PDE6H: variants seen among roughly 807,000 people sequenced by gnomAD.
The protein encoded by PDE6H is retinal cone rhodopsin-sensitive cGMP 3',5'-cyclic phosphodiesterase subunit gamma.
A neutral mutation model predicts 9.2 loss-of-function variants in PDE6H; 11 were observed. The ratio of observed to expected loss-of-function variants is 1.19; its 90% CI spans 0.75 to 1.97. The LOEUF (loss-of-function observed/expected upper bound fraction) is 1.97. Among genes scored for constraint, PDE6H ranks in the 30% most tolerant of loss-of-function variants. The pLI is 0.00. For synonymous variants in PDE6H, 36 were observed against 33.6 expected (o/e 1.07, Z -0.25); for missense variants, 98 against 101.5 (o/e 0.97, Z 0.15).
rs762282649 is a variant in PDE6H, at chr12:14,978,066, CCCACGCAAAGGCCCT to C, written c.57_71del (p.Arg20_Pro24del). 5.6e-6 allele frequency: 9 copies of C among 1,613,468 alleles called. No individual in the cohort carries two copies. Among genetic ancestry groups the C allele is most frequent in the Non-Finnish European group, 7.6e-6 (9 of 1,179,852 alleles). On this transcript the variant is annotated inframe_deletion, in exon 2 of 4. Coordinates refer to ENST00000266395, the MANE Select transcript of PDE6H (RefSeq NM_006205.3). ...CAGCTTCAAACCAGGGTCCTACCAC[CCCACGCAAAGGCCCT>C]CCCAAGTTCAAGCAGAGGCAGACTC... is the stretch of plus-strand genomic sequence containing the variant.
chr12:14,977,546 G>A (rs1029497781), intron 1 of PDE6H, among the ~76,000 whole-genome samples: 20 of 152,184 alleles, frequency 1.3e-4, no homozygotes, highest in African/African-American at 4.8e-4. Flanking sequence ...CACGTAGAAT[G>A]CTTGTGGCAA....
chr12:14,975,814 T>G (rs75516716), intron 1 of PDE6H, among the ~76,000 whole-genome samples: 8 of 105,750 alleles, frequency 7.6e-5, no homozygotes, highest in South Asian at 8.4e-4. Context: ...TTTCTTTTGT[T>G]TTTTTTTTTT....
chr12:14,981,366 G>GT, intron 3 of PDE6H, 34 bp from the exon 4 acceptor site: 2 of 1,389,668 alleles, frequency 1.4e-6, no homozygotes, highest in Middle Eastern at 1.8e-4. Flanking sequence ...TTGGGGTGAG[G>GT]TTGGCTTACG....
At chr12:14,976,532 G>A (rs1250642666) in intron 1 of PDE6H, among the ~76,000 whole-genome samples, 1 of 152,164 alleles carries the variant, frequency 6.6e-6, no homozygotes, top group East Asian at 1.9e-4. Flanking sequence ...GCAGTTAACA[G>A]TATTAGCATA....
chr12:14,980,505 T>A (rs1298170079), intron 3 of PDE6H, among the ~76,000 whole-genome samples: 1 of 152,246 alleles, frequency 6.6e-6, no homozygotes, highest in Non-Finnish European at 1.5e-5. Context: ...GTAGCACTTG[T>A]AGTAATCAGT....
intron 2 of PDE6H, among the ~76,000 whole-genome samples, chr12:14,978,530 T>C (rs1864632201): frequency 6.6e-6 from 1 of 152,244 alleles, no homozygotes; most frequent in South Asian, 2.1e-4. Context: ...TCCTCAGTTC[T>C]TTATTTTCCT....
At chr12:14,976,699 A>T (rs1164479948) in intron 1 of PDE6H, among the ~76,000 whole-genome samples, 1 of 150,794 alleles carries the variant, frequency 6.6e-6, no homozygotes, top group Non-Finnish European at 1.5e-5. Flanking sequence ...TGTCTCTCTT[A>T]AAAAAAAAGA....
chr12:14,981,486 G>A lies in PDE6H; in HGVS notation c.*10G>A, dbSNP rs780271564. On this transcript the variant is annotated 3_prime_UTR_variant, in exon 4 of 4. Coordinates refer to ENST00000266395, the MANE Select transcript of PDE6H (RefSeq NM_006205.3). ...GTTTGGGATTATCTGAAGTGCCAGAGGTTCTGCCACTCTCAATGACATCTG... is the reference window on the plus strand; with the variant it reads ...GTTTGGGATTATCTGAAGTGCCAGAAGTTCTGCCACTCTCAATGACATCTG... 4.4e-6 allele frequency: 7 copies of A among 1,598,852 alleles called. No homozygotes were observed. The highest frequency in any genetic ancestry group is 6.0e-6 in the Non-Finnish European group (7 of 1,166,116).
chr12:14,980,851 G>A (rs1864671330), intron 3 of PDE6H, among the ~76,000 whole-genome samples: 1 of 152,116 alleles, frequency 6.6e-6, no homozygotes, highest in Non-Finnish European at 1.5e-5. Flanking sequence ...TGTAACTCAG[G>A]GATAATAACA....
At chr12:14,973,928 TAAAGA>T (rs1445372394) in intron 1 of PDE6H, among the ~76,000 whole-genome samples, 1 of 152,208 alleles carries the variant, frequency 6.6e-6, no homozygotes, top group Non-Finnish European at 1.5e-5. Context: ...CTTTGCTGTA[TAAAGA>T]AACAGAAGAT....
In PDE6H at chr12:14,977,804, T is replaced by C. The variant is rs570037601; in HGVS notation, c.-41-168T>C. Among the ~76,000 whole-genome samples the C allele has an allele frequency of 4.6e-5, 7 of 152,332 alleles. No individual in the cohort carries two copies. In the East Asian group the frequency reaches 1.2e-3, roughly 25 times the overall value. Reference sequence around the variant, plus strand: ...GCCTGCATTGATTTATACTCTGTTTTCTTAAAGATCCCTTTTAAAGATGAT... The same window carrying C: ...GCCTGCATTGATTTATACTCTGTTTCCTTAAAGATCCCTTTTAAAGATGAT... On this transcript the variant is annotated intron_variant, in intron 1 of 3. Coordinates refer to ENST00000266395, the MANE Select transcript of PDE6H (RefSeq NM_006205.3).
intron 1 of PDE6H, among the ~76,000 whole-genome samples, chr12:14,973,680 G>A (rs1409939795): frequency 6.6e-6 from 1 of 152,062 alleles, no homozygotes; most frequent in Non-Finnish European, 1.5e-5. Context: ...GATTTTCTCT[G>A]CCTCAGCAGG....
At position 14,978,025 on chromosome 12, in the gene PDE6H, A is replaced by G. The variant is rs778629614; in HGVS notation, c.13A>G (p.Thr5Ala). 5.0e-6 allele frequency: 8 copies of G among 1,613,522 alleles called. No individual in the cohort carries two copies. Among genetic ancestry groups the G allele is most frequent in the Non-Finnish European group, 6.8e-6 (8 of 1,179,978 alleles). The change falls in exon 2 of 4, where the codon ACT (threonine) becomes GCT (alanine). Residue 5 changes from threonine (T) to alanine (A), a missense_variant. Physicochemically the swap from Thr to Ala is moderately conservative, Grantham distance 58. Coordinates refer to ENST00000266395, the MANE Select transcript of PDE6H (RefSeq NM_006205.3). ...GGGGGGAGTTAAAATGAGTGACAAC[A>G]CTACTCTGCCTGCTCCAGCTTCAAA... MSDN[T>A]TLPAPASNQG... is the part of the protein sequence containing the mutation.
At chr12:14,981,294 T>A (rs193275418) in intron 3 of PDE6H, 106 bp from the exon 4 acceptor site, 1 of 802,938 alleles carries the variant, frequency 1.2e-6, no homozygotes, top group Non-Finnish European at 2.2e-6. Context: ...CAGGGGACAA[T>A]GAGCAGGAGA....
intron 3 of PDE6H, 56 bp downstream of exon 3, chr12:14,979,275 T>A: frequency 8.5e-7 from 1 of 1,179,726 alleles, no homozygotes; most frequent in South Asian, 1.2e-5. Context: ...TGCCTTTTTA[T>A]ATACTTCAGG....
At chr12:14,973,630 A>G (rs570437879) in intron 1 of PDE6H, among the ~76,000 whole-genome samples, 13 of 151,602 alleles carry the variant, frequency 8.6e-5, no homozygotes, top group Non-Finnish European at 1.5e-4. Flanking sequence ...TTTTTTTTTT[A>G]TGGCTTTGGT....
At chr12:14,975,823 TTG>T (rs1230293919) in intron 1 of PDE6H, among the ~76,000 whole-genome samples, 2 of 74,146 alleles carry the variant, frequency 2.7e-5, no homozygotes, top group African/African-American at 4.0e-5. Flanking sequence ...TTTTTTTTTT[TTG>T]TTTTTTTTTT....
chr12:14,978,857 C>T (rs946007717), intron 2 of PDE6H, among the ~76,000 whole-genome samples: 6 of 152,160 alleles, frequency 3.9e-5, no homozygotes, highest in Middle Eastern at 3.4e-3. Flanking sequence ...ATTTTTAATG[C>T]CTTTTGTATT....
At chr12:14,973,152 G>A (rs1864544695) in intron 1 of PDE6H, 66 bp downstream of exon 1, 1 of 152,250 alleles carries the variant, frequency 6.6e-6, no homozygotes, top group South Asian at 2.1e-4. Flanking sequence ...GGGTTGATCA[G>A]GTTCCAAAAG....
Sources: allele counts gnomAD v4.1 joint callset (sites outside exome capture counted in the v4.1 genomes callset), GRCh38; gene constraint gnomAD v4.1.1; transcripts MANE v1.5; gene names NCBI Gene and HGNC (gene_info 2026-07-23, HGNC 2026-07-21).